GPC6: variants seen among roughly 807,000 people sequenced by gnomAD.
GPC6 encodes the protein glypican-6.
In GPC6, 14 loss-of-function variants were observed where a neutral mutation model predicts 55.2. That is an observed-to-expected ratio of 0.25 (90% CI 0.17 to 0.40). The LOEUF is 0.40. Ranked by LOEUF, GPC6 falls within the 10% of genes least tolerant of loss-of-function variation. The pLI is 1.00. For missense variants in GPC6, 641 were observed against 708.5 expected (o/e 0.90, Z 1.08); for synonymous variants, 278 against 259.6 (o/e 1.07, Z -0.68).
chr13:94,237,822 T>C (rs1436703601), intron 4 of GPC6, among the ~76,000 whole-genome samples: 1 of 152,138 alleles, frequency 6.6e-6, no homozygotes. Context: ...CAGGCAGTGG[T>C]GTGAACATGA....
chr13:93,597,430 G>T (rs1877809413), intron 2 of GPC6, among the ~76,000 whole-genome samples: 1 of 152,194 alleles, frequency 6.6e-6, no homozygotes. Context: ...ATAGCTGAAA[G>T]AACTAAGAAG....
At position 93,348,901 on chromosome 13, in the gene GPC6, T is replaced by C. The variant is rs965006804; in HGVS notation, c.160+121285T>C. On this transcript the variant is annotated intron_variant, in intron 1 of 8. Transcript: ENST00000377047. Reference sequence around the variant, plus strand: ...GAGTAGAGTCACAAACATGGGATATTTTTTTCCCCTCCATAGAGAATACAT... The same window carrying C: ...GAGTAGAGTCACAAACATGGGATATCTTTTTCCCCTCCATAGAGAATACAT... Among the ~76,000 whole-genome samples, 4 of 152,084 alleles carry C rather than the reference T, an allele frequency of 2.6e-5. No homozygotes were observed. The South Asian group carries it at 8.3e-4, about 32-fold the overall frequency.
intron 3 of GPC6, among the ~76,000 whole-genome samples, chr13:93,976,162 C>T (rs1054673172): frequency 6.6e-6 from 1 of 152,098 alleles, no homozygotes; most frequent in Non-Finnish European, 1.5e-5. Context: ...GAAATATATT[C>T]TTTCTATGTC....
intron 2 of GPC6, among the ~76,000 whole-genome samples, chr13:93,714,882 G>T (rs1309223713): frequency 6.6e-6 from 1 of 151,590 alleles, no homozygotes. Context: ...AGGAACCAGG[G>T]AACAGTCCCT....
At chr13:94,200,438 G>C (rs1483487325) in intron 4 of GPC6, among the ~76,000 whole-genome samples, 1 of 152,170 alleles carries the variant, frequency 6.6e-6, no homozygotes, top group Non-Finnish European at 1.5e-5. Flanking sequence ...ATTGCCAATG[G>C]CTGTGGAGCT....
intron 3 of GPC6, among the ~76,000 whole-genome samples, chr13:93,878,262 T>C (rs1810435274): frequency 6.6e-6 from 1 of 151,956 alleles, no homozygotes; most frequent in Admixed American, 6.6e-5. Context: ...TAGGAGGTAA[T>C]TAGGCCATGA....
chr13:93,632,781 G>T (rs781680026), intron 2 of GPC6, among the ~76,000 whole-genome samples: 5 of 151,822 alleles, frequency 3.3e-5, no homozygotes, highest in African/African-American at 1.2e-4. Context: ...TCACAGGTAT[G>T]GATCCTTTTC....
At chr13:93,848,263 T>C (rs1227504958) in intron 3 of GPC6, among the ~76,000 whole-genome samples, 1 of 152,184 alleles carries the variant, frequency 6.6e-6, no homozygotes, top group Non-Finnish European at 1.5e-5. Context: ...TTGTGCTTTC[T>C]CTTGGGTACT....
At chr13:93,558,673 A>G (rs537358924) in intron 2 of GPC6, among the ~76,000 whole-genome samples, 7 of 152,314 alleles carry the variant, frequency 4.6e-5, no homozygotes, top group African/African-American at 1.7e-4. Flanking sequence ...CTGAAAATCA[A>G]TGGGAGTGCT....
At chr13:93,898,432 C>A (rs1361199550) in intron 3 of GPC6, among the ~76,000 whole-genome samples, 2 of 152,038 alleles carry the variant, frequency 1.3e-5, no homozygotes, top group Non-Finnish European at 2.9e-5. Context: ...GCCACAGTTG[C>A]CTTGGTGATG....
chr13:93,872,257 G>T (rs915623292), intron 3 of GPC6, among the ~76,000 whole-genome samples: 1 of 151,914 alleles, frequency 6.6e-6, no homozygotes, highest in African/African-American at 2.4e-5. Context: ...CTTATGAACA[G>T]AAACACCCAA....
chr13:94,108,611 CG>C (rs966892316), intron 4 of GPC6, among the ~76,000 whole-genome samples: 2 of 151,982 alleles, frequency 1.3e-5, no homozygotes, highest in African/African-American at 4.8e-5. Context: ...GAGGCCAAGG[CG>C]GGTGGATCAA....
At chr13:93,461,826 T>C (rs1249004934) in intron 1 of GPC6, among the ~76,000 whole-genome samples, 1 of 152,202 alleles carries the variant, frequency 6.6e-6, no homozygotes, top group Admixed American at 6.5e-5. Flanking sequence ...CATGCCTTTT[T>C]AAAAATCTCT....
intron 2 of GPC6, among the ~76,000 whole-genome samples, chr13:93,699,193 A>G (rs1394561448): frequency 1.3e-5 from 2 of 152,102 alleles, no homozygotes; most frequent in African/African-American, 4.8e-5. Context: ...AGAGATTTCA[A>G]CTCTCATTTT....
At chr13:94,273,001 A>T (rs1892094878) in intron 4 of GPC6, among the ~76,000 whole-genome samples, 2 of 152,148 alleles carry the variant, frequency 1.3e-5, no homozygotes, top group Admixed American at 6.5e-5. Flanking sequence ...CATTTCAGGG[A>T]TGATGATAAG....
At chr13:93,553,092 G>C (rs1198307808) in intron 2 of GPC6, among the ~76,000 whole-genome samples, 1 of 152,134 alleles carries the variant, frequency 6.6e-6, no homozygotes, top group Non-Finnish European at 1.5e-5. Context: ...TCTCCAGTGA[G>C]GCCTGATCTT....
At chr13:94,227,948 C>T (rs1041742254) in intron 4 of GPC6, among the ~76,000 whole-genome samples, 3 of 152,180 alleles carry the variant, frequency 2.0e-5, no homozygotes, top group African/African-American at 7.2e-5. Context: ...AGTAGTCCAA[C>T]TGCAAGGAGT....
chr13:93,981,193 T>G (rs2140404867), intron 3 of GPC6, among the ~76,000 whole-genome samples: 1 of 152,298 alleles, frequency 6.6e-6, no homozygotes, highest in South Asian at 2.1e-4. Flanking sequence ...AGAGCAAAAC[T>G]TCTGCTCTAT....
chr13:93,570,483 T>A (rs1876348112), intron 2 of GPC6, among the ~76,000 whole-genome samples: 1 of 152,182 alleles, frequency 6.6e-6, no homozygotes, highest in African/African-American at 2.4e-5. Flanking sequence ...GCAATGCTAA[T>A]GGCCATGCCA....
Sources: gnomAD v4.1 joint callset for allele counts (sites outside exome capture counted in the v4.1 genomes callset) on GRCh38, gnomAD v4.1.1 for gene constraint, MANE v1.5 for transcripts, NCBI Gene and HGNC (gene_info 2026-07-23, HGNC 2026-07-21) for gene names.